Variants in RASGRF2 observed in about 807,000 individuals in gnomAD.
RASGRF2 encodes the protein ras-specific guanine nucleotide-releasing factor 2.
RASGRF2 carries 76 observed loss-of-function variants against 151.0 expected under a neutral mutation model. The observed-to-expected ratio is 0.50, with a 90% CI of 0.42 to 0.61. The LOEUF is 0.61. RASGRF2 is among the 20% of genes least tolerant of loss of function. The pLI, the probability that RASGRF2 is intolerant of heterozygous loss-of-function variation, is 0.00. For synonymous variants in RASGRF2, 504 were observed against 566.5 expected (o/e 0.89, Z 1.57); for missense variants, 1,148 against 1,564.6 (o/e 0.73, Z 4.49).
At chr5:81,100,823 C>G (rs1363845356) in intron 12 of RASGRF2, among the ~76,000 whole-genome samples, 2 of 152,198 alleles carry the variant, frequency 1.3e-5, no homozygotes, top group Non-Finnish European at 2.9e-5. Flanking sequence ...AGGGAATTTT[C>G]TACTTTAACA....
At chr5:81,025,773 T>C (rs1580219036) in intron 1 of RASGRF2, among the ~76,000 whole-genome samples, 1 of 152,200 alleles carries the variant, frequency 6.6e-6, no homozygotes, top group Non-Finnish European at 1.5e-5. Context: ...AAATATGGAC[T>C]GCTGCTGTCA....
intron 17 of RASGRF2, among the ~76,000 whole-genome samples, chr5:81,130,186 G>A (rs1036516642): frequency 6.6e-6 from 1 of 152,190 alleles, no homozygotes; most frequent in Non-Finnish European, 1.5e-5. Flanking sequence ...AGGGCAGAAC[G>A]GACTTGCTAA....
chr5:81,180,670 TC>T (rs921050389), intron 18 of RASGRF2, among the ~76,000 whole-genome samples: 1 of 141,354 alleles, frequency 7.1e-6, no homozygotes, highest in Non-Finnish European at 1.6e-5. Context: ...TGCAGTGGTA[TC>T]CCCGCCCCCC....
Position 81,070,563 on chromosome 5 carries a change from C to G in RASGRF2, c.615C>G (p.Asp205Glu), listed in dbSNP as rs1227128128. The G allele has an allele frequency of 6.2e-7, 1 of 1,608,422 alleles. No individual in the cohort carries two copies. Among genetic ancestry groups the G allele is most frequent in the Non-Finnish European group, 8.5e-7 (1 of 1,174,892 alleles). The change falls in exon 4 of 27, where the codon GAC (aspartate) becomes GAG (glutamate). Residue 205 changes from aspartate to glutamate, a missense_variant. Around this residue, in one of 5 missense-constraint regions of RASGRF2, gnomAD observed 221 missense variants for 271.3 expected, o/e 0.81. Coordinates refer to ENST00000265080, the MANE Select transcript of RASGRF2 (RefSeq NM_006909.3). ...GCAACCAAGAAGACGAAGATCCAGA[C>G]ATCAAGAAGATTAAAAAGGTAGGGC... ...YQSNQEDEDP[D>E]IKKIKKVQSF...
At chr5:81,070,603 C>T in intron 4 of RASGRF2, 22 bp downstream of exon 4, 1 of 1,555,336 alleles carries the variant, frequency 6.4e-7, no homozygotes, top group Non-Finnish European at 8.9e-7. Flanking sequence ...AGGTTTCCAG[C>T]TTTGTAGGAG....
intron 18 of RASGRF2, chr5:81,183,185 G>T (rs1754955988): frequency 1.0e-6 from 1 of 984,142 alleles, no homozygotes; most frequent in Non-Finnish European, 1.2e-6. Context: ...ACCCAGGGAG[G>T]CCACTTCGAT....
At chr5:81,049,399 TG>T (rs1750938730) in intron 2 of RASGRF2, among the ~76,000 whole-genome samples, 1 of 152,192 alleles carries the variant, frequency 6.6e-6, no homozygotes, top group African/African-American at 2.4e-5. Context: ...TATGCTAATT[TG>T]GAGGGTTTCT....
intron 1 of RASGRF2, among the ~76,000 whole-genome samples, chr5:80,974,670 C>T (rs748674335): frequency 2.4e-5 from 3 of 126,822 alleles, no homozygotes; most frequent in Admixed American, 8.4e-5. Context: ...GGTGTCCCTT[C>T]CCACCTTGTG....
At chr5:81,213,617 TA>T (rs1311393897) in intron 23 of RASGRF2, among the ~76,000 whole-genome samples, 2 of 152,186 alleles carry the variant, frequency 1.3e-5, no homozygotes, top group Non-Finnish European at 2.9e-5. Flanking sequence ...AGACACTCAT[TA>T]TTTCTTTTCC....
chr5:81,085,752 C>A (rs1239033004), intron 7 of RASGRF2, 50 bp from the exon 8 acceptor site: 1 of 1,608,904 alleles, frequency 6.2e-7, no homozygotes, highest in Admixed American at 1.7e-5. Context: ...AGCATGTGCC[C>A]TGTCACCCAT....
chr5:80,982,978 C>T (rs1352258061), intron 1 of RASGRF2, among the ~76,000 whole-genome samples: 1 of 152,166 alleles, frequency 6.6e-6, no homozygotes, highest in Non-Finnish European at 1.5e-5. Flanking sequence ...CAAAAATTTG[C>T]AGTAGCTTGG....
chr5:81,096,414 C>G (rs968775354), intron 12 of RASGRF2: 3 of 152,150 alleles, frequency 2.0e-5, no homozygotes, highest in African/African-American at 7.2e-5. Context: ...AGGTATTGTG[C>G]AGGTACCAGG....
At chr5:81,101,503 G>A (rs1344970457) in intron 12 of RASGRF2, among the ~76,000 whole-genome samples, 1 of 151,514 alleles carries the variant, frequency 6.6e-6, no homozygotes, top group Non-Finnish European at 1.5e-5. Flanking sequence ...ACTCCTGTTT[G>A]TGAAGCCTGG....
chr5:81,220,197 A>C (rs1428873321), intron 26 of RASGRF2, among the ~76,000 whole-genome samples: 2 of 152,222 alleles, frequency 1.3e-5, no homozygotes, highest in African/African-American at 4.8e-5. Context: ...AGGATTAAAA[A>C]AAATTAAGAA....
chr5:81,207,442 C>T (rs1413721184), intron 21 of RASGRF2, 93 bp downstream of exon 21: 1 of 1,024,088 alleles, frequency 9.8e-7, no homozygotes, highest in Non-Finnish European at 1.5e-6. Context: ...GTATGTCTGT[C>T]CCCTCAGTTC....
intron 2 of RASGRF2, among the ~76,000 whole-genome samples, chr5:81,058,021 T>A (rs1012898065): frequency 2.0e-5 from 3 of 152,112 alleles, no homozygotes; most frequent in African/African-American, 4.8e-5. Flanking sequence ...ATTAATTAAT[T>A]AATTAATAAC....
At chr5:81,199,073 A>T (rs115369373) in intron 18 of RASGRF2, among the ~76,000 whole-genome samples, 53 of 152,360 alleles carry the variant, frequency 3.5e-4, no homozygotes, top group African/African-American at 1.3e-3. Flanking sequence ...CAGTAAAATG[A>T]TCAAATTCAG....
chr5:81,110,486 T>G (rs1051279917), intron 13 of RASGRF2, among the ~76,000 whole-genome samples: 24 of 152,274 alleles, frequency 1.6e-4, no homozygotes, highest in Non-Finnish European at 3.1e-4. Flanking sequence ...TAGTCAGTTT[T>G]ATTTTAATTT....
rs145206273 is a variant in RASGRF2 at position 81,188,315 on chromosome 5, C to T, written c.2793+8034C>T. Among the ~76,000 whole-genome samples the T allele has an allele frequency of 4.0e-3, 606 of 152,324 alleles. 2 individuals are homozygous for T. The highest frequency in any genetic ancestry group is 0.017 in the Middle Eastern group (5 of 294). ...AGATGCCTCTCTGCTGTGAATAGGGCTTTTGTCCCCACTTCCTGAAGAAGT... is the reference window on the plus strand; with the variant it reads ...AGATGCCTCTCTGCTGTGAATAGGGTTTTTGTCCCCACTTCCTGAAGAAGT... On this transcript the variant is annotated intron_variant, in intron 18 of 26. Coordinates refer to ENST00000265080, the MANE Select transcript of RASGRF2 (RefSeq NM_006909.3).
Sources: gnomAD v4.1 joint callset for allele counts (sites outside exome capture counted in the v4.1 genomes callset) on GRCh38, gnomAD v4.1.1 for gene constraint, gnomAD v4.1.1 regional missense constraint, MANE v1.5 for transcripts, NCBI Gene and HGNC (gene_info 2026-07-23, HGNC 2026-07-21) for gene names.